Variants in CCL25 observed in about 807,000 individuals in gnomAD.
CCL25 encodes C-C motif chemokine 25.
In CCL25, 14 loss-of-function variants were observed where a neutral mutation model predicts 19.9. The ratio of observed to expected loss-of-function variants is 0.70; its 90% CI spans 0.47 to 1.10. The LOEUF (loss-of-function observed/expected upper bound fraction) is 1.10, where lower values mean the gene tolerates loss of function less well. CCL25 is among the 50% of genes least tolerant of loss of function. The probability of loss-of-function intolerance (pLI) is 0.00; values close to 1 mark genes in which losing one functional copy is unlikely to be tolerated. For synonymous variants in CCL25, 68 were observed against 73.2 expected (o/e 0.93, Z 0.36); for missense variants, 151 against 181.2 (o/e 0.83, Z 0.96).
intron 5 of CCL25, among the ~76,000 whole-genome samples, chr19:8,058,827 T>A (rs1001869900): frequency 1.5e-4 from 21 of 140,242 alleles, no homozygotes; most frequent in Non-Finnish European, 2.0e-4. Context: ...CTGGGCTAAT[T>A]TTTTGTATTT....
At chr19:8,058,588 A>AATAT (rs1467026206) in intron 5 of CCL25, among the ~76,000 whole-genome samples, 1 of 129,178 alleles carries the variant, frequency 7.7e-6, no homozygotes, top group Admixed American at 1.0e-4. Context: ...ATAAATATAT[A>AATAT]ATATATAAAT....
At chr19:8,053,547 AT>A (rs57912076) in intron 2 of CCL25, among the ~76,000 whole-genome samples, 1,449 of 120,642 alleles carry the variant, frequency 0.012, 9 homozygotes, top group East Asian at 0.05. Flanking sequence ...CTCCTAAACC[AT>A]TTTTTTTTTT....
chr19:8,061,833 C>A (rs2081319808), intron 5 of CCL25, among the ~76,000 whole-genome samples: 1 of 151,704 alleles, frequency 6.6e-6, no homozygotes. Context: ...CTCTAAAATA[C>A]AAAATTAGCT....
rs1399542043 is a variant in CCL25 at position 8,059,138 on chromosome 19, TTATATAATATATAATATATATAA to T, written c.445+1232_445+1254del. On this transcript the variant is annotated intron_variant, in intron 5 of 5. Transcript: ENST00000315626. ...ATATATAAATATATATAAATATATA[TTATATAATATATAATATATATAA>T]TATATAATATATATAATATATAAAT... 3.2e-4 allele frequency among the ~76,000 whole-genome samples: 26 copies of T among 81,530 alleles called. No individual in the cohort carries two copies. In the Admixed American group the frequency reaches 4.0e-3, roughly 12 times the overall value. The allele number at this position is 81,530 out of a possible 152,430, so 53.5% of individuals were successfully genotyped here. A position where few individuals can be genotyped will look rare whatever the true frequency, so the allele number is the denominator to read the frequency against.
Position 8,058,375 on chromosome 19 carries a change from TATATATAATATATAAGTAA to T in CCL25, c.445+471_445+489del. On this transcript the variant is annotated intron_variant, in intron 5 of 5. Transcript: ENST00000315626. ...TATAAGTAAATATATAATATATAAA[TATATATAATATATAAGTAA>T]ATATATAATATATAAATATATATAA... Among the ~76,000 whole-genome samples, 3 of 117,178 alleles carry T rather than the reference TATATATAATATATAAGTAA, an allele frequency of 2.6e-5. No homozygotes were observed. In the South Asian group the frequency reaches 7.1e-4, roughly 28 times the overall value. The allele number at this position is 117,178 out of a possible 152,430, so 76.9% of individuals were successfully genotyped here.
chr19:8,057,143 C>T (rs1390027193), intron 4 of CCL25, among the ~76,000 whole-genome samples: 1 of 152,078 alleles, frequency 6.6e-6, no homozygotes, highest in Admixed American at 6.6e-5. Flanking sequence ...GCCTCAGCCC[C>T]CTAAGTAGCA....
At chr19:8,060,619 C>T (rs185884735) in intron 5 of CCL25, among the ~76,000 whole-genome samples, 190 of 152,184 alleles carry the variant, frequency 1.2e-3, no homozygotes, top group African/African-American at 4.4e-3. Flanking sequence ...GCTAGGACTA[C>T]ATAGCTCACC....
At chr19:8,055,853 G>C (rs562351082) in intron 2 of CCL25, among the ~76,000 whole-genome samples, 1 of 152,088 alleles carries the variant, frequency 6.6e-6, no homozygotes, top group African/African-American at 2.4e-5. Flanking sequence ...CCTGCACTCC[G>C]AGTCACCCTT....
intron 2 of CCL25, 82 bp from the exon 3 acceptor site, chr19:8,056,070 C>A: frequency 1.1e-6 from 1 of 898,624 alleles, no homozygotes; most frequent in Non-Finnish European, 1.7e-6. Flanking sequence ...GACAGGTATG[C>A]AGACAGGTGC....
intron 2 of CCL25, among the ~76,000 whole-genome samples, chr19:8,055,951 A>T (rs2081268005): frequency 6.6e-6 from 1 of 151,974 alleles, no homozygotes; most frequent in Non-Finnish European, 1.5e-5. Flanking sequence ...GTCCTCTCCA[A>T]CCTCTGGCTG....
At chr19:8,057,947 C>T in intron 5 of CCL25, 27 bp downstream of exon 5, 1 of 1,604,704 alleles carries the variant, frequency 6.2e-7, no homozygotes, top group East Asian at 2.2e-5. Flanking sequence ...ATGTGACTGT[C>T]TCCCATCCAT....
chr19:8,054,854 T>G (rs1163751996), intron 2 of CCL25, among the ~76,000 whole-genome samples: 1 of 151,800 alleles, frequency 6.6e-6, no homozygotes, highest in African/African-American at 2.4e-5. Flanking sequence ...TTGGTTGGTG[T>G]TTTGTTTTGT....
At chr19:8,059,617 TTGTC>T (rs1477109442) in intron 5 of CCL25, among the ~76,000 whole-genome samples, 5 of 152,272 alleles carry the variant, frequency 3.3e-5, no homozygotes, top group South Asian at 2.1e-4. Context: ...TTCTGACTGA[TTGTC>T]TGTAAGTCAG....
intron 4 of CCL25, among the ~76,000 whole-genome samples, chr19:8,057,090 G>C (rs1176048782): frequency 1.4e-5 from 2 of 142,926 alleles, no homozygotes; most frequent in Non-Finnish European, 3.1e-5. Context: ...GCACGATCTC[G>C]GCTCACTGCA....
intron 5 of CCL25, among the ~76,000 whole-genome samples, chr19:8,059,904 A>G (rs1405685941): frequency 2.0e-5 from 3 of 151,896 alleles, no homozygotes; most frequent in Admixed American, 6.6e-5. Flanking sequence ...CCAGGCTAAC[A>G]TGGTGAAACC....
chr19:8,054,783 G>A (rs1207018282), intron 2 of CCL25, among the ~76,000 whole-genome samples: 2 of 151,434 alleles, frequency 1.3e-5, no homozygotes, highest in Admixed American at 6.6e-5. Context: ...ATCTCTGCTT[G>A]TCTAGACATT....
At chr19:8,056,055 G>A in intron 2 of CCL25, 97 bp from the exon 3 acceptor site, 1 of 797,624 alleles carries the variant, frequency 1.3e-6, no homozygotes, top group Non-Finnish European at 2.1e-6. Context: ...GTTGTGGTAT[G>A]AGCAGACAGG....
chr19:8,055,911 T>C (rs978432796), intron 2 of CCL25, among the ~76,000 whole-genome samples: 1 of 152,166 alleles, frequency 6.6e-6, no homozygotes, highest in Non-Finnish European at 1.5e-5. Flanking sequence ...CATTTGCTGG[T>C]TCCACACCCT....
rs769619657 is a variant in CCL25, at chr19:8,056,363, CAGATTCTACCTCCCCA to C, written c.193_208del (p.Phe65AspfsTer18). The C allele has an allele frequency of 7.4e-5, 120 of 1,613,110 alleles. No individual in the cohort carries two copies. Among genetic ancestry groups the C allele is most frequent in the Non-Finnish European group, 9.6e-5 (113 of 1,179,702 alleles). ...CCTGGGCACCCCCCTCTGCTCACCACAGATTCTACCTCCCCAAGAGACACAGGAAGGTGTGTGGGAA... is the reference window on the plus strand; with the variant it reads ...CCTGGGCACCCCCCTCTGCTCACCACAGAGACACAGGAAGGTGTGTGGGAA... On this transcript the variant is annotated splice_acceptor_variant and coding_sequence_variant, in exon 4 of 6. Transcript: ENST00000315626. LOFTEE classifies it high-confidence loss of function.
Sources: gnomAD v4.1 joint callset for allele counts (sites outside exome capture counted in the v4.1 genomes callset) on GRCh38, gnomAD v4.1.1 for gene constraint, MANE v1.5 for transcripts, NCBI Gene and HGNC (gene_info 2026-07-23, HGNC 2026-07-21) for gene names.